The following MAGI2 variants were observed in gnomAD, a reference collection of about 807,000 sequenced individuals.
MAGI2 encodes the protein membrane associated guanylate kinase, WW and PDZ domain containing 2.
MAGI2 carries 35 observed loss-of-function variants against 133.3 expected under a neutral mutation model. The observed-to-expected ratio is 0.26, with a 90% CI of 0.20 to 0.35. The LOEUF is 0.35. Among genes scored for constraint, MAGI2 ranks in the 10% least tolerant of loss-of-function variants. The pLI is 1.00. For missense variants in MAGI2, 1,636 were observed against 1,863.4 expected, an observed-to-expected ratio of 0.88 and a Z score of 2.25; for synonymous variants, 729 against 710.6, an observed-to-expected ratio of 1.03 and a Z score of -0.41.
chr7:78,911,145 T>C (rs572712915), intron 2 of MAGI2, among the ~76,000 whole-genome samples: 3 of 152,322 alleles, frequency 2.0e-5, no homozygotes, highest in African/African-American at 7.2e-5. Context: ...TTTACCATGA[T>C]TACTGCAAGC....
chr7:78,281,967 CTG>C (rs936410315), intron 9 of MAGI2, among the ~76,000 whole-genome samples: 10 of 151,498 alleles, frequency 6.6e-5, no homozygotes, highest in African/African-American at 2.4e-4. Context: ...AGAATTTTCA[CTG>C]TGAGTTCTTT....
At chr7:78,583,071 G>A (rs1252426131) in intron 3 of MAGI2, among the ~76,000 whole-genome samples, 4 of 152,078 alleles carry the variant, frequency 2.6e-5, no homozygotes, top group East Asian at 1.9e-4. Context: ...AAGTCAACAC[G>A]GAGGAAGTGT....
At position 78,772,944 on chromosome 7, in the gene MAGI2, T is replaced by C. The variant is rs960286362; in HGVS notation, c.419-145705A>G. On this transcript the variant is annotated intron_variant, in intron 2 of 21. Coordinates refer to ENST00000354212, the MANE Select transcript of MAGI2 (RefSeq NM_012301.4). The stretch of plus-strand genomic sequence containing the variant: ...CACCTTTTCTTTTTTCCCTCTAGCA[T>C]TGGCTGTTTTCATTTTGCATTTATT... 3.3e-5 allele frequency among the ~76,000 whole-genome samples: 5 copies of C among 152,366 alleles called. No individual in the cohort carries two copies. In the East Asian group the frequency reaches 7.7e-4, roughly 24 times the overall value.
intron 1 of MAGI2, among the ~76,000 whole-genome samples, chr7:79,385,527 C>T (rs1406219037): frequency 6.6e-6 from 1 of 151,882 alleles, no homozygotes; most frequent in Non-Finnish European, 1.5e-5. Flanking sequence ...ACTCTCTCAT[C>T]ACACATTGTA....
intron 2 of MAGI2, among the ~76,000 whole-genome samples, chr7:78,915,646 G>A (rs529590498): frequency 1.9e-4 from 29 of 151,184 alleles, no homozygotes; most frequent in Non-Finnish European, 3.2e-4. Context: ...CTGGGCTTTC[G>A]TAATTTTTTT....
chr7:78,563,642 C>A (rs146495398), intron 3 of MAGI2, among the ~76,000 whole-genome samples: 61 of 152,322 alleles, frequency 4.0e-4, no homozygotes, highest in African/African-American at 1.4e-3. Context: ...AAGAGGCAAT[C>A]CTAAGAGCTA....
chr7:78,848,315 A>T (rs868641628), intron 2 of MAGI2, among the ~76,000 whole-genome samples: 1 of 151,782 alleles, frequency 6.6e-6, no homozygotes, highest in Non-Finnish European at 1.5e-5. Context: ...TTCACCCTCC[A>T]CATCCAATAC....
chr7:78,635,904 A>G (rs868581536), intron 2 of MAGI2, among the ~76,000 whole-genome samples: 6 of 152,236 alleles, frequency 3.9e-5, no homozygotes, highest in Non-Finnish European at 8.8e-5. Flanking sequence ...CTCATTTTCA[A>G]TCACATAAAA....
chr7:78,767,905 A>C (rs577611993), intron 2 of MAGI2, among the ~76,000 whole-genome samples: 1 of 152,188 alleles, frequency 6.6e-6, no homozygotes, highest in Non-Finnish European at 1.5e-5. Context: ...ACTCATCGGC[A>C]TCTTAAATGT....
chr7:78,927,660 C>T (rs1410182957), intron 2 of MAGI2, among the ~76,000 whole-genome samples: 1 of 151,628 alleles, frequency 6.6e-6, no homozygotes, highest in African/African-American at 2.4e-5. Flanking sequence ...TAGCCTTTTT[C>T]CCCTCATTAG....
Position 79,202,563 on chromosome 7 carries a change from CACAT to C in MAGI2, c.302-195361_302-195358del, listed in dbSNP as rs541766282. 5.5e-3 allele frequency among the ~76,000 whole-genome samples: 833 copies of C among 152,028 alleles called. 5 individuals carry two copies. Among genetic ancestry groups the C allele is most frequent in the Non-Finnish European group, 9.5e-3 (649 of 67,986 alleles). ...CCACTAACTACCATACTATTAAAGA[CACAT>C]ACTATATTGTGCTGTTTCATACATT... On this transcript the variant is annotated intron_variant, in intron 1 of 21. Coordinates refer to ENST00000354212, the MANE Select transcript of MAGI2 (RefSeq NM_012301.4).
At chr7:79,212,935 T>C (rs1327881232) in intron 1 of MAGI2, among the ~76,000 whole-genome samples, 1 of 152,032 alleles carries the variant, frequency 6.6e-6, no homozygotes, top group Non-Finnish European at 1.5e-5. Context: ...TGATTTTCAG[T>C]GGATGGGATG....
At chr7:79,335,444 A>G (rs1338943438) in intron 1 of MAGI2, among the ~76,000 whole-genome samples, 2 of 152,090 alleles carry the variant, frequency 1.3e-5, no homozygotes, top group Non-Finnish European at 2.9e-5. Flanking sequence ...TGTACAGTAT[A>G]AATATTGGAT....
intron 4 of MAGI2, among the ~76,000 whole-genome samples, chr7:78,517,849 C>T (rs1161788102): frequency 1.3e-5 from 2 of 152,042 alleles, no homozygotes; most frequent in South Asian, 2.1e-4. Flanking sequence ...TAAATATTCA[C>T]ATGTCATGTG....
At chr7:78,191,908 C>T (rs62463864) in intron 12 of MAGI2, among the ~76,000 whole-genome samples, 16,185 of 152,062 alleles carry the variant, frequency 0.11, 1,196 homozygotes, top group Non-Finnish European at 0.16. Context: ...AAATGAGGCA[C>T]GGCAGCATTT....
At chr7:78,982,751 A>G (rs1011497183) in intron 2 of MAGI2, among the ~76,000 whole-genome samples, 3 of 62,610 alleles carry the variant, frequency 4.8e-5, no homozygotes, top group African/African-American at 8.9e-5. Flanking sequence ...TTAGAAGGGA[A>G]GGGAAGGTAC....
At chr7:78,075,745 A>C (rs1815219905) in intron 21 of MAGI2, among the ~76,000 whole-genome samples, 1 of 152,098 alleles carries the variant, frequency 6.6e-6, no homozygotes, top group Non-Finnish European at 1.5e-5. Context: ...AAATCTCTAA[A>C]TGTGAAGGTG....
intron 9 of MAGI2, among the ~76,000 whole-genome samples, chr7:78,335,076 T>C (rs1789613928): frequency 6.6e-6 from 1 of 152,152 alleles, no homozygotes; most frequent in African/African-American, 2.4e-5. Flanking sequence ...GATAGCAGAG[T>C]TGAATAGTTG....
At chr7:78,383,813 A>C (rs897027715) in intron 6 of MAGI2, among the ~76,000 whole-genome samples, 3 of 152,060 alleles carry the variant, frequency 2.0e-5, no homozygotes, top group Non-Finnish European at 2.9e-5. Context: ...ATTCTTCTGC[A>C]CACGACAATT....
Sources: gnomAD v4.1 joint callset for allele counts (sites outside exome capture counted in the v4.1 genomes callset) on GRCh38, gnomAD v4.1.1 for gene constraint, MANE v1.5 for transcripts, NCBI Gene and HGNC (gene_info 2026-07-23, HGNC 2026-07-21) for gene names.